CPNE5: variants seen among roughly 807,000 people sequenced by gnomAD.
CPNE5 encodes copine 5, also known as copine-5.
A neutral mutation model predicts 81.1 loss-of-function variants in CPNE5; 42 were observed. The observed-to-expected ratio is 0.52, with a 90% CI of 0.40 to 0.67. The LOEUF (loss-of-function observed/expected upper bound fraction) is 0.67, where lower values mean the gene tolerates loss of function less well. Ranked by LOEUF, CPNE5 falls within the 30% of genes least tolerant of loss-of-function variation. The pLI is 0.00. For synonymous variants in CPNE5, 313 were observed against 321.5 expected (o/e 0.97, Z 0.28); for missense variants, 612 against 815.5 (o/e 0.75, Z 3.04).
intron 14 of CPNE5, among the ~76,000 whole-genome samples, chr6:36,751,556 G>T (rs552213490): frequency 5.9e-5 from 9 of 152,296 alleles, no homozygotes; most frequent in African/African-American, 2.2e-4. Context: ...TTGGGAGGCC[G>T]AGGCAGGCGA....
intron 8 of CPNE5, among the ~76,000 whole-genome samples, chr6:36,783,909 C>T (rs1019272927): frequency 6.6e-6 from 1 of 152,190 alleles, no homozygotes; most frequent in Non-Finnish European, 1.5e-5. Flanking sequence ...AAGATGGGAA[C>T]AAGACAGTCT....
chr6:36,759,381 A>G (rs1331637038), intron 12 of CPNE5, among the ~76,000 whole-genome samples: 1 of 149,860 alleles, frequency 6.7e-6, no homozygotes, highest in Non-Finnish European at 1.5e-5. Context: ...CCCCTCCACT[A>G]AGTCACCTCC....
At chr6:36,776,337 C>A (rs1767497722) in intron 9 of CPNE5, among the ~76,000 whole-genome samples, 1 of 152,254 alleles carries the variant, frequency 6.6e-6, no homozygotes, top group South Asian at 2.1e-4. Flanking sequence ...CATTCTGTCA[C>A]CATGGCTTAG....
chr6:36,798,596 G>C (rs1009247290), intron 4 of CPNE5, 102 bp from the exon 5 acceptor site: 6 of 963,778 alleles, frequency 6.2e-6, no homozygotes, highest in Admixed American at 1.8e-5. Context: ...CCAAAAAACA[G>C]GTCCCAACAC....
At chr6:36,789,217 G>A (rs1186857693) in intron 8 of CPNE5, among the ~76,000 whole-genome samples, 2 of 152,202 alleles carry the variant, frequency 1.3e-5, no homozygotes, top group Admixed American at 6.5e-5. Context: ...CCCTGCCCCC[G>A]ACATAGACCC....
In CPNE5 at chr6:36,778,864, C is replaced by T. The variant is rs1767777813; in HGVS notation, c.622G>A (p.Glu208Lys). The T allele has an allele frequency of 4.4e-6, 7 of 1,598,112 alleles. No homozygotes were observed. Among genetic ancestry groups the T allele is most frequent in the African/African-American group, 1.3e-5 (1 of 74,788 alleles). ...DPFLVFYRSN[E>K]DGTFTICHKT... Reference sequence around the variant, plus strand: ...CCCCAGAAAACTCACGTTCCATCCTCGTTGCTTCTGTAGAATACCAAGAAG... The same window carrying T: ...CCCCAGAAAACTCACGTTCCATCCTTGTTGCTTCTGTAGAATACCAAGAAG... Residue 208 changes from glutamate to lysine, a missense_variant, in exon 9 of 21, where the codon GAG becomes AAG. Glu to Lys is a moderately conservative substitution (Grantham distance 56, BLOSUM62 1). Transcript: ENST00000244751.
At chr6:36,798,406 G>A in intron 5 of CPNE5, 49 bp downstream of exon 5, 1 of 1,592,414 alleles carries the variant, frequency 6.3e-7, no homozygotes, top group Non-Finnish European at 8.6e-7. Flanking sequence ...CCCAGAGGAT[G>A]GCATTTCAGA....
chr6:36,829,566 A>G (rs187766622), intron 1 of CPNE5, among the ~76,000 whole-genome samples: 155 of 152,194 alleles, frequency 1.0e-3, no homozygotes, highest in Non-Finnish European at 2.0e-3. Flanking sequence ...TAATCCCAGC[A>G]CTTTGGGAGG....
intron 6 of CPNE5, among the ~76,000 whole-genome samples, chr6:36,796,085 AC>A (rs1769544863): frequency 6.6e-6 from 1 of 152,122 alleles, no homozygotes; most frequent in Non-Finnish European, 1.5e-5. Flanking sequence ...AGTAGCTGGG[AC>A]TACAGGCATG....
rs1428832734 is a variant in CPNE5, at chr6:36,742,050, C to T, written c.*218G>A. 3.6e-6 allele frequency: 2 copies of T among 552,144 alleles called. No homozygotes were observed. The highest frequency in any genetic ancestry group is 6.4e-6 in the Non-Finnish European group (2 of 310,444). The allele number at this position is 552,144 out of a possible 1,614,324, so 34.2% of individuals were successfully genotyped here. A position where few individuals can be genotyped will look rare whatever the true frequency, so the allele number is the denominator to read the frequency against. On this transcript the variant is annotated 3_prime_UTR_variant, in exon 21 of 21. Transcript: ENST00000244751. ...AAGAGAAGGGCTGGGTCCCTGTGTACCCCTCTTTCACCCGTACCCCCCTAA... is the reference window on the plus strand; with the variant it reads ...AAGAGAAGGGCTGGGTCCCTGTGTATCCCTCTTTCACCCGTACCCCCCTAA...
intron 14 of CPNE5, among the ~76,000 whole-genome samples, chr6:36,749,803 A>G (rs929053): frequency 0.18 from 27,901 of 152,156 alleles, 2,641 homozygotes; most frequent in African/African-American, 0.23. Flanking sequence ...CCTTTTCTCC[A>G]CATTTGCATG....
chr6:36,789,427 T>C (rs1768892848), intron 8 of CPNE5, among the ~76,000 whole-genome samples: 1 of 152,194 alleles, frequency 6.6e-6, no homozygotes, highest in African/African-American at 2.4e-5. Flanking sequence ...CAAAGCGCTT[T>C]CATGTATGTG....
chr6:36,808,529 TTGGGGCCCAGGGCCAGG>T (rs1253384083), intron 3 of CPNE5, among the ~76,000 whole-genome samples: 14 of 152,166 alleles, frequency 9.2e-5, no homozygotes, highest in Non-Finnish European at 1.9e-4. Context: ...CTGCAGAACA[TTGGGGCCCAGGGCCAGG>T]GAGGGCCCAG....
chr6:36,806,700 C>T (rs568009129), intron 3 of CPNE5, among the ~76,000 whole-genome samples: 1 of 152,362 alleles, frequency 6.6e-6, no homozygotes, highest in East Asian at 1.9e-4. Flanking sequence ...CATACAATTT[C>T]CAACTCAATT....
intron 8 of CPNE5, among the ~76,000 whole-genome samples, chr6:36,789,500 T>C (rs1281445765): frequency 6.6e-6 from 1 of 152,220 alleles, no homozygotes; most frequent in African/African-American, 2.4e-5. Context: ...GGGGAAACAC[T>C]GAATTTAGGT....
At position 36,743,906 on chromosome 6, in the gene CPNE5, T is replaced by C. The variant is rs892117826; in HGVS notation, c.1490-144A>G. 1.4e-5 allele frequency: 10 copies of C among 740,698 alleles called. No individual in the cohort carries two copies. In the African/African-American group the frequency reaches 1.7e-4, roughly 13 times the overall value. 45.9% of individuals were successfully genotyped at this position (740,698 alleles called of 1,614,324 possible). A position where few individuals can be genotyped will look rare whatever the true frequency, so the allele number is the denominator to read the frequency against. ...TGCCCCGTGTTAGAGATGAGGAAACTGAGGCCAGGGGCCAGGAGGAGCCCG... is the reference window on the plus strand; with the variant it reads ...TGCCCCGTGTTAGAGATGAGGAAACCGAGGCCAGGGGCCAGGAGGAGCCCG... On this transcript the variant is annotated intron_variant, in intron 19 of 20. Coordinates refer to ENST00000244751, the MANE Select transcript of CPNE5 (RefSeq NM_020939.2).
intron 13 of CPNE5, chr6:36,755,113 G>A (rs950818252): frequency 2.6e-5 from 4 of 152,234 alleles, no homozygotes; most frequent in Non-Finnish European, 5.9e-5. Flanking sequence ...CAGCTGCCCT[G>A]TGCAGTGGCA....
intron 6 of CPNE5, among the ~76,000 whole-genome samples, chr6:36,795,878 A>G (rs1316625299): frequency 1.3e-5 from 2 of 152,144 alleles, no homozygotes; most frequent in Non-Finnish European, 2.9e-5. Flanking sequence ...AAACTAAGAT[A>G]TGTGAAATCT....
At chr6:36,809,263 AGAG>A (rs564876655) in intron 3 of CPNE5, among the ~76,000 whole-genome samples, 4 of 152,076 alleles carry the variant, frequency 2.6e-5, no homozygotes, top group African/African-American at 7.2e-5. Flanking sequence ...TGAGAGAGAG[AGAG>A]GAGGAGGAGA....
Sources: allele counts gnomAD v4.1 joint callset (sites outside exome capture counted in the v4.1 genomes callset), GRCh38; gene constraint gnomAD v4.1.1; transcripts MANE v1.5; gene names NCBI Gene and HGNC (gene_info 2026-07-23, HGNC 2026-07-21).